PDXDC1: variants seen among roughly 807,000 people sequenced by gnomAD.
The protein encoded by PDXDC1 is pyridoxal dependent decarboxylase domain containing 1, also known as pyridoxal-dependent decarboxylase domain-containing protein 1.
Under a neutral mutation model 100.1 loss-of-function variants are expected in PDXDC1, and 42 were observed. The observed-to-expected ratio is 0.42, with a 90% CI of 0.33 to 0.54. PDXDC1 has a LOEUF of 0.54. PDXDC1 is among the 20% of genes least tolerant of loss of function. The pLI, the probability that PDXDC1 is intolerant of heterozygous loss-of-function variation, is 0.10. For synonymous variants in PDXDC1, 260 were observed against 371.7 expected, an observed-to-expected ratio of 0.70 and a Z score of 3.46; for missense variants, 636 against 979.2, an observed-to-expected ratio of 0.65 and a Z score of 4.68.
At chr16:15,074,607 C>T in intron 16 of PDXDC1, 2 of 719,328 alleles carry the variant, frequency 2.8e-6, no homozygotes, top group Non-Finnish European at 4.3e-6. Context: ...TAAACTCATA[C>T]TCAATAGATA....
chr16:15,014,842 C>T (rs1278205502), intron 8 of PDXDC1, among the ~76,000 whole-genome samples: 5 of 152,300 alleles, frequency 3.3e-5, no homozygotes, highest in African/African-American at 9.6e-5. Context: ...ACCAAGGGAG[C>T]GGCTGAAAGT....
intron 16 of PDXDC1, chr16:15,133,707 AG>A (rs2048216108): frequency 6.2e-7 from 1 of 1,603,322 alleles, no homozygotes; most frequent in Admixed American, 1.7e-5. Flanking sequence ...TGCCAGCCTG[AG>A]GGACGGTCCC....
intron 16 of PDXDC1, chr16:15,126,039 A>G (rs1433854289): frequency 2.1e-6 from 1 of 467,274 alleles, no homozygotes; most frequent in Non-Finnish European, 3.9e-6. Flanking sequence ...TTTCAATTTC[A>G]TTTTTTTTTT....
chr16:15,094,542 T>G (rs1373993196), intron 16 of PDXDC1: 2 of 466,770 alleles, frequency 4.3e-6, no homozygotes, highest in Non-Finnish European at 7.6e-6. Context: ...TGTGGCCGGG[T>G]ACACTCAAGT....
At chr16:15,096,615 C>T (rs942554984) in intron 16 of PDXDC1, among the ~76,000 whole-genome samples, 1 of 152,388 alleles carries the variant, frequency 6.6e-6, no homozygotes, top group South Asian at 2.1e-4. Context: ...CTCTTCTTCA[C>T]TTCCAAGGGA....
downstream of PDXDC1, chr16:15,040,224 G>A: frequency 2.3e-6 from 1 of 443,220 alleles, no homozygotes; most frequent in South Asian, 5.5e-5. Context: ...GGGGGAAAAT[G>A]CAACCTTTAC....
intron 1 of PDXDC1, among the ~76,000 whole-genome samples, chr16:14,977,849 CTGAT>C (rs1260901717): frequency 9.2e-5 from 14 of 152,290 alleles, no homozygotes; most frequent in African/African-American, 3.1e-4. Context: ...CCCATTTAAA[CTGAT>C]TGTTGCATAA....
chr16:14,984,457 G>GTA, intron 1 of PDXDC1, among the ~76,000 whole-genome samples: 2 of 132,554 alleles, frequency 1.5e-5, no homozygotes, highest in African/African-American at 2.8e-5. Context: ...GAGAGAGAGT[G>GTA]TGTGTGTGTG....
rs746484179 is a variant in PDXDC1, at chr16:15,086,420, C to T, written c.1400-52459C>T. ...TTTTGTCAAGTACATGATAGAAGAA[C>T]GGAATTCTAGCAGCCAGTTGATGAT... On this transcript the variant is annotated intron_variant, in intron 16 of 16. Coordinates refer to the PDXDC1 transcript ENST00000535621. 9.3e-6 allele frequency: 15 copies of T among 1,613,450 alleles called. No homozygotes were observed. Among genetic ancestry groups the T allele is most frequent in the East Asian group, 4.5e-5 (2 of 44,840 alleles).
the PDXDC1 span, among the ~76,000 whole-genome samples, chr16:15,149,508 G>C: frequency 6.6e-6 from 1 of 152,190 alleles, no homozygotes; most frequent in East Asian, 1.9e-4. Flanking sequence ...TGCGCTCTAA[G>C]GCATCAGGCC....
chr16:15,084,202 T>A (rs1209701528), intron 16 of PDXDC1, among the ~76,000 whole-genome samples: 1 of 152,216 alleles, frequency 6.6e-6, no homozygotes, highest in Non-Finnish European at 1.5e-5. Flanking sequence ...GAAAAAATCA[T>A]CAAGTTGGAT....
At chr16:15,046,663 C>T (rs995834771) in intron 16 of PDXDC1, among the ~76,000 whole-genome samples, 19 of 143,702 alleles carry the variant, frequency 1.3e-4, no homozygotes, top group Admixed American at 7.4e-4. Flanking sequence ...AGTTTAAGAC[C>T]GGCCTGGGCA....
rs145721699 is a variant in PDXDC1 at position 15,035,465 on chromosome 16, A to G, written c.2019A>G (p.Thr673=). The part of the protein sequence containing the change: ...FNLTAGSLES[T]EPIYVYKAQG... ...CTCCCGCAGGCTCTCTGGAGTCCACAGAACCCATATATGTCTACAAAGCAC... is the reference window on the plus strand; with the variant it reads ...CTCCCGCAGGCTCTCTGGAGTCCACGGAACCCATATATGTCTACAAAGCAC... Residue 673 remains threonine (T), a synonymous_variant, in exon 22 of 23, where the codon ACA becomes ACG. Transcript: ENST00000396410. 1 of 1,610,050 alleles carries G rather than the reference A, an allele frequency of 6.2e-7. No individual in the cohort carries two copies.
intron 11 of PDXDC1, among the ~76,000 whole-genome samples, chr16:15,017,732 T>G (rs1301098301): frequency 3.3e-5 from 5 of 152,242 alleles, no homozygotes; most frequent in African/African-American, 1.2e-4. Flanking sequence ...TTCCCAGATG[T>G]GGAATGACTG....
chr16:15,144,574 G>GAC, the PDXDC1 span, among the ~76,000 whole-genome samples: 2 of 152,172 alleles, frequency 1.3e-5, no homozygotes, highest in East Asian at 1.9e-4. Flanking sequence ...CTGGGTCCCG[G>GAC]ACACGGGGTG....
intron 1 of PDXDC1, among the ~76,000 whole-genome samples, chr16:14,987,423 A>G (rs1475893343): frequency 6.6e-6 from 1 of 152,286 alleles, no homozygotes; most frequent in African/African-American, 2.4e-5. Flanking sequence ...TGAGGAAGTA[A>G]TGTGTGTAGA....
intron 1 of PDXDC1, among the ~76,000 whole-genome samples, chr16:14,983,028 C>T (rs1260877021): frequency 6.6e-6 from 1 of 152,252 alleles, no homozygotes; most frequent in Admixed American, 6.5e-5. Flanking sequence ...ATGTCTAATG[C>T]ATATGGTATA....
chr16:15,061,928 C>T (rs776295781), intron 16 of PDXDC1: 2 of 1,597,956 alleles, frequency 1.3e-6, no homozygotes, highest in South Asian at 2.2e-5. Flanking sequence ...CAGAAATCAT[C>T]AGTAACATCA....
chr16:15,016,794 A>G (rs2041828869), intron 9 of PDXDC1, among the ~76,000 whole-genome samples: 1 of 152,294 alleles, frequency 6.6e-6, no homozygotes, highest in South Asian at 2.1e-4. Context: ...AGAGTAGCCC[A>G]TATCCACCAC....
Sources: allele counts gnomAD v4.1 joint callset (sites outside exome capture counted in the v4.1 genomes callset), GRCh38; gene constraint gnomAD v4.1.1; transcripts MANE v1.5; gene names NCBI Gene and HGNC (gene_info 2026-07-23, HGNC 2026-07-21).